The following ADAMTSL3 variants were observed in gnomAD, a reference collection of about 807,000 sequenced individuals.
The protein encoded by ADAMTSL3 is ADAMTS like 3, also known as ADAMTS-like protein 3.
A neutral mutation model predicts 201.7 loss-of-function variants in ADAMTSL3; 128 were observed. The observed-to-expected ratio is 0.63, with a 90% CI of 0.55 to 0.73. The LOEUF (loss-of-function observed/expected upper bound fraction) is 0.73. Among genes scored for constraint, ADAMTSL3 ranks in the 30% least tolerant of loss-of-function variants. The pLI is 0.00. For missense variants in ADAMTSL3, 1,990 were observed against 2,119.6 expected (o/e 0.94, Z 1.20); for synonymous variants, 738 against 748.4 (o/e 0.99, Z 0.23).
chr15:84,029,717 A>G (rs1025551642), intron 27 of ADAMTSL3, among the ~76,000 whole-genome samples: 1 of 152,226 alleles, frequency 6.6e-6, no homozygotes, highest in African/African-American at 2.4e-5. Flanking sequence ...TGCCAATACA[A>G]TGGGGAACAT....
chr15:84,026,774 T>A (rs1416676414), intron 27 of ADAMTSL3, among the ~76,000 whole-genome samples: 2 of 151,758 alleles, frequency 1.3e-5, no homozygotes, highest in Non-Finnish European at 2.9e-5. Context: ...TACGAAAAAA[T>A]AAAATGAATC....
chr15:83,946,226 A>G (rs1371172207), intron 19 of ADAMTSL3, among the ~76,000 whole-genome samples: 2 of 152,190 alleles, frequency 1.3e-5, no homozygotes, highest in South Asian at 2.1e-4. Flanking sequence ...AGTGGAGGCT[A>G]GTGGTGACAT....
intron 2 of ADAMTSL3, among the ~76,000 whole-genome samples, chr15:83,665,518 A>G (rs1385704640): frequency 1.3e-5 from 2 of 152,192 alleles, no homozygotes; most frequent in Non-Finnish European, 2.9e-5. Context: ...AGAAGAGGAA[A>G]AAACCAATTA....
At chr15:84,028,045 T>C (rs1438864360) in intron 27 of ADAMTSL3, among the ~76,000 whole-genome samples, 1 of 152,162 alleles carries the variant, frequency 6.6e-6, no homozygotes, top group Non-Finnish European at 1.5e-5. Context: ...ACAGGGAAAT[T>C]TGTAGAGACA....
At chr15:83,786,703 G>T (rs902322870) in intron 4 of ADAMTSL3, among the ~76,000 whole-genome samples, 1 of 151,902 alleles carries the variant, frequency 6.6e-6, no homozygotes, top group Non-Finnish European at 1.5e-5. Flanking sequence ...GTATTTTTTT[G>T]TCTATTTTTA....
intron 3 of ADAMTSL3, among the ~76,000 whole-genome samples, chr15:83,758,316 T>TGGTGGCAGGCA (rs1371914471): frequency 1.3e-5 from 2 of 152,228 alleles, no homozygotes; most frequent in Non-Finnish European, 2.9e-5. Context: ...ACATCTTACA[T>TGGTGGCAGGCA]GGTGGCAGGC....
intron 5 of ADAMTSL3, among the ~76,000 whole-genome samples, chr15:83,814,113 A>C (rs1376201975): frequency 6.6e-6 from 1 of 152,162 alleles, no homozygotes; most frequent in Non-Finnish European, 1.5e-5. Context: ...ACTTTACAGA[A>C]GGGACATTTG....
At chr15:83,682,724 C>T (rs2061491719) in intron 2 of ADAMTSL3, among the ~76,000 whole-genome samples, 2 of 152,238 alleles carry the variant, frequency 1.3e-5, no homozygotes, top group Non-Finnish European at 2.9e-5. Context: ...TTTCCCTTGG[C>T]TTGGCCTGAA....
chr15:83,816,232 A>G (rs2063768345), intron 5 of ADAMTSL3, among the ~76,000 whole-genome samples: 2 of 152,226 alleles, frequency 1.3e-5, no homozygotes, highest in Admixed American at 1.3e-4. Flanking sequence ...TATAAAAGAA[A>G]TGGCCAGTCC....
chr15:83,935,446 AAAG>A (rs1309580127), intron 17 of ADAMTSL3, among the ~76,000 whole-genome samples: 1 of 152,134 alleles, frequency 6.6e-6, no homozygotes, highest in East Asian at 1.9e-4. Flanking sequence ...ATGATTCTAA[AAAG>A]AAGAAAGAGA....
At chr15:83,956,271 A>G (rs552838445) in intron 19 of ADAMTSL3, among the ~76,000 whole-genome samples, 2 of 152,312 alleles carry the variant, frequency 1.3e-5, no homozygotes, top group South Asian at 4.1e-4. Flanking sequence ...TCTCCGTGCC[A>G]TGCAGCCACT....
chr15:84,024,172 C>T (rs1187310394), intron 26 of ADAMTSL3, among the ~76,000 whole-genome samples: 2 of 152,066 alleles, frequency 1.3e-5, no homozygotes, highest in Non-Finnish European at 2.9e-5. Flanking sequence ...AGGAGAATGG[C>T]GTGAACCCGG....
chr15:83,768,350 C>T (rs937941240), intron 3 of ADAMTSL3, among the ~76,000 whole-genome samples: 1 of 152,090 alleles, frequency 6.6e-6, no homozygotes, highest in African/African-American at 2.4e-5. Context: ...ATGCTGTCTC[C>T]AGAGCAGATT....
intron 3 of ADAMTSL3, among the ~76,000 whole-genome samples, chr15:83,714,117 T>G (rs1311082282): frequency 6.6e-6 from 1 of 152,256 alleles, no homozygotes; most frequent in Non-Finnish European, 1.5e-5. Flanking sequence ...ACTCTTAATC[T>G]GCTTTTTGTG....
intron 8 of ADAMTSL3, 29 bp from the exon 9 acceptor site, chr15:83,870,773 C>G: frequency 6.6e-7 from 1 of 1,514,306 alleles, no homozygotes. Context: ...AAGATTGTTT[C>G]TTATTTGAAT....
intron 7 of ADAMTSL3, among the ~76,000 whole-genome samples, chr15:83,840,524 G>A (rs772691257): frequency 4.6e-5 from 7 of 152,188 alleles, no homozygotes; most frequent in Admixed American, 2.6e-4. Flanking sequence ...GGAGAACACC[G>A]TGAGGTGTTC....
At chr15:83,717,852 G>T (rs1312645599) in intron 3 of ADAMTSL3, among the ~76,000 whole-genome samples, 2 of 152,148 alleles carry the variant, frequency 1.3e-5, no homozygotes, top group African/African-American at 2.4e-5. Flanking sequence ...AAAACTTTTT[G>T]CAGTGACGTT....
At chr15:83,711,750 C>T (rs1178666400) in intron 3 of ADAMTSL3, among the ~76,000 whole-genome samples, 1 of 152,198 alleles carries the variant, frequency 6.6e-6, no homozygotes, top group African/African-American at 2.4e-5. Flanking sequence ...CTCTGAATTT[C>T]ATTATCATTG....
chr15:84,010,405 G>T (rs1480871201), intron 23 of ADAMTSL3, among the ~76,000 whole-genome samples: 1 of 152,072 alleles, frequency 6.6e-6, no homozygotes, highest in African/African-American at 2.4e-5. Flanking sequence ...GAGAGCATTG[G>T]TATGAATAAC....
Sources: allele counts gnomAD v4.1 joint callset (sites outside exome capture counted in the v4.1 genomes callset), GRCh38; gene constraint gnomAD v4.1.1; transcripts MANE v1.5; gene names NCBI Gene and HGNC (gene_info 2026-07-23, HGNC 2026-07-21).